The following JRK variants were observed in gnomAD, a reference collection of about 807,000 sequenced individuals.
JRK encodes Jrk helix-turn-helix protein.
For synonymous variants in JRK, 303 were observed against 218.1 expected, an observed-to-expected ratio of 1.39 and a Z score of -3.43; for missense variants, 720 against 509.2, an observed-to-expected ratio of 1.41 and a Z score of -3.98.
Position 142,661,288 on chromosome 8 carries a change from C to T in JRK, c.*3064G>A, listed in dbSNP as rs1472634152. The T allele has an allele frequency of 2.0e-6, 2 of 985,358 alleles. No individual in the cohort carries two copies. Among genetic ancestry groups the T allele is most frequent in the Non-Finnish European group, 2.4e-6 (2 of 829,982 alleles). The allele number at this position is 985,358 out of a possible 1,614,324, so 61.0% of individuals were successfully genotyped here. Reference sequence around the variant, plus strand: ...CCCCAACGTAGAAGGGGCTGAAAGACCACCTACCCATCCTAACCCCTGAAT... The same window carrying T: ...CCCCAACGTAGAAGGGGCTGAAAGATCACCTACCCATCCTAACCCCTGAAT... On this transcript the variant is annotated 3_prime_UTR_variant, in exon 2 of 2. Coordinates refer to ENST00000612905, the MANE Select transcript of JRK (RefSeq NM_003724.4).
Position 142,664,422 on chromosome 8 carries a change from T to C in JRK, c.1637A>G (p.Glu546Gly). 6.2e-7 allele frequency: 1 copy of C among 1,607,770 alleles called. No individual in the cohort carries two copies. Among genetic ancestry groups the C allele is most frequent in the Non-Finnish European group, 8.5e-7 (1 of 1,176,060 alleles). ...TGTGGCCCCACAGCCACCAGGGCCCTCCTGGAGGGCTTCAACCTTGACCAC... is the reference window on the plus strand; with the variant it reads ...TGTGGCCCCACAGCCACCAGGGCCCCCCTGGAGGGCTTCAACCTTGACCAC... ...GAVVKVEALQEGPGGCGATAQ... is the reference protein window; with the variant it reads ...GAVVKVEALQGGPGGCGATAQ... The change falls in exon 2 of 2, where the codon GAG (glutamate) becomes GGG (glycine). Residue 546 changes from glutamate (E) to glycine (G), a missense_variant. Coordinates refer to ENST00000612905, the MANE Select transcript of JRK (RefSeq NM_003724.4).
Position 142,660,818 on chromosome 8 carries a change from G to A in JRK, c.*3534C>T. On this transcript the variant is annotated 3_prime_UTR_variant, in exon 2 of 2. Transcript: ENST00000612905. ...GTGCCACAGCCTCCCAAGAATGGATGCAGTCTACACCTTCTGCAAACCCCT... is the reference window on the plus strand; with the variant it reads ...GTGCCACAGCCTCCCAAGAATGGATACAGTCTACACCTTCTGCAAACCCCT... 1.0e-6 allele frequency: 1 copy of A among 985,518 alleles called. No individual in the cohort carries two copies. The highest frequency in any genetic ancestry group is 1.2e-6 in the Non-Finnish European group (1 of 830,044). The allele number at this position is 985,518 out of a possible 1,614,324, so 61.0% of individuals were successfully genotyped here. A position where few individuals can be genotyped will look rare whatever the true frequency, so the allele number is the denominator to read the frequency against.
At chr8:142,667,367 C>T (rs1195649335) in intron 1 of JRK, among the ~76,000 whole-genome samples, 2 of 152,120 alleles carry the variant, frequency 1.3e-5, no homozygotes, top group Non-Finnish European at 2.9e-5. Flanking sequence ...TCTAGTGCTG[C>T]CCGCCCACCT....
At position 142,664,872 on chromosome 8, in the gene JRK, G is replaced by C. The variant is rs1554635375; in HGVS notation, c.1187C>G (p.Ser396Cys). The change falls in exon 2 of 2, where the codon TCC becomes TGC. Residue 396 changes from serine (S) to cysteine (C), a missense_variant. Ser to Cys is a moderately radical substitution (Grantham distance 112). Coordinates refer to ENST00000612905, the MANE Select transcript of JRK (RefSeq NM_003724.4). ...CTCTGCCTCCAACTCCTCCTCAGAG[G>C]AGGAGCCTTCGGCAAACGCAACCGA... ...WPSVAFAEGS[S>C]SEEELEAECF... The C allele has an allele frequency of 3.4e-6, 5 of 1,459,812 alleles. No homozygotes were observed. Among genetic ancestry groups the C allele is most frequent in the South Asian group, 2.3e-5 (2 of 87,118 alleles). The allele number at this position is 1,459,812 out of a possible 1,614,324, so 90.4% of individuals were successfully genotyped here.
chr8:142,663,430 C>A lies in JRK; in HGVS notation c.*922G>T. 1.0e-6 allele frequency: 1 copy of A among 985,468 alleles called. No individual in the cohort carries two copies. Among genetic ancestry groups the A allele is most frequent in the Non-Finnish European group, 1.2e-6 (1 of 829,934 alleles). 61.0% of individuals were successfully genotyped at this position (985,468 alleles called of 1,614,324 possible). A position where few individuals can be genotyped will look rare whatever the true frequency, so the allele number is the denominator to read the frequency against. Reference sequence around the variant, plus strand: ...CACATACTGCTAGAAATCTAAGCAGCCTGTTTTACTGTTTTCAGTGACTTA... The same window carrying A: ...CACATACTGCTAGAAATCTAAGCAGACTGTTTTACTGTTTTCAGTGACTTA... On this transcript the variant is annotated 3_prime_UTR_variant, in exon 2 of 2. Transcript: ENST00000612905.
chr8:142,658,676 C>A lies in JRK; in HGVS notation c.*5676G>T, dbSNP rs1301057417. 3 of 1,155,588 alleles carry A rather than the reference C, an allele frequency of 2.6e-6. No individual in the cohort carries two copies. The highest frequency in any genetic ancestry group is 2.3e-6 in the Non-Finnish European group (2 of 864,334). The allele number at this position is 1,155,588 out of a possible 1,614,324, so 71.6% of individuals were successfully genotyped here. ...CAAAGGCCCCACCTCCTAATACCAC[C>A]CTCCTGGGGGTCAGGGTTTCAACAT... is the stretch of plus-strand genomic sequence containing the variant. On this transcript the variant is annotated 3_prime_UTR_variant, in exon 2 of 2. Coordinates refer to ENST00000612905, the MANE Select transcript of JRK (RefSeq NM_003724.4).
intron 1 of JRK, among the ~76,000 whole-genome samples, chr8:142,667,059 G>A (rs1458716794): frequency 6.6e-6 from 1 of 152,194 alleles, no homozygotes; most frequent in African/African-American, 2.4e-5. Flanking sequence ...TCTGGAGCAG[G>A]TCTCTAAACT....
In JRK at chr8:142,664,673, CACA is replaced by C; in HGVS notation, c.1383_1385del (p.Val462del). Reference sequence around the variant, plus strand: ...CTTTCGGAGTCTTTTCTGAACTCCACACAACCTCTGCTGGCGACGTGGCAGCAG... The same window carrying C: ...CTTTCGGAGTCTTTTCTGAACTCCACACCTCTGCTGGCGACGTGGCAGCAG... On this transcript the variant is annotated inframe_deletion, in exon 2 of 2. Transcript: ENST00000612905. The C allele has an allele frequency of 1.2e-6, 2 of 1,611,610 alleles. No individual in the cohort carries two copies. Among genetic ancestry groups the C allele is most frequent in the South Asian group, 1.1e-5 (1 of 90,586 alleles).
chr8:142,657,562 A>G lies in JRK; in HGVS notation c.*6790T>C, dbSNP rs1554633839. 1 of 152,920 alleles carries G rather than the reference A, an allele frequency of 6.5e-6. No individual in the cohort carries two copies. The highest frequency in any genetic ancestry group is 2.4e-5 in the African/African-American group (1 of 41,446). The allele number at this position is 152,920 out of a possible 1,614,324, so 9.5% of individuals were successfully genotyped here. On this transcript the variant is annotated 3_prime_UTR_variant, in exon 2 of 2. Coordinates refer to ENST00000612905, the MANE Select transcript of JRK (RefSeq NM_003724.4). ...CTGGTGGGGGCTTCAGGGAGCTTCC[A>G]CTCATGACGGAAGGCAAAGGGCAGC...
rs894659581 is a variant in JRK, at chr8:142,659,685, A to C, written c.*4667T>G. 14 of 985,400 alleles carry C rather than the reference A, an allele frequency of 1.4e-5. No individual in the cohort carries two copies. The highest frequency in any genetic ancestry group is 1.7e-5 in the Non-Finnish European group (14 of 829,998). The allele number at this position is 985,400 out of a possible 1,614,324, so 61.0% of individuals were successfully genotyped here. ...GCCTCAAACAAGAGTGGCCCCTAAAACAGTTGGTAAAGGAGTGTTTTCACC... is the reference window on the plus strand; with the variant it reads ...GCCTCAAACAAGAGTGGCCCCTAAACCAGTTGGTAAAGGAGTGTTTTCACC... On this transcript the variant is annotated 3_prime_UTR_variant, in exon 2 of 2. Transcript: ENST00000612905.
At chr8:142,649,468 T>C in the JRK span, among the ~76,000 whole-genome samples, 1 of 152,154 alleles carries the variant, frequency 6.6e-6, no homozygotes, top group Non-Finnish European at 1.5e-5. Flanking sequence ...CCCCTGCACA[T>C]GTTATCTTTC....
chr8:142,666,177 T>A lies in JRK; in HGVS notation c.-119A>T. The A allele has an allele frequency of 6.6e-7, 1 of 1,524,560 alleles. No individual in the cohort carries two copies. Among genetic ancestry groups the A allele is most frequent in the Non-Finnish European group, 8.9e-7 (1 of 1,127,436 alleles). 94.4% of individuals were successfully genotyped at this position (1,524,560 alleles called of 1,614,324 possible). On this transcript the variant is annotated 5_prime_UTR_variant, in exon 2 of 2. Coordinates refer to ENST00000612905, the MANE Select transcript of JRK (RefSeq NM_003724.4). ...TCCGTCTCTCCCTCTCCACTCTGCCTGCCTGCTCTGCTGATCCTGAGCACA... is the reference window on the plus strand; with the variant it reads ...TCCGTCTCTCCCTCTCCACTCTGCCAGCCTGCTCTGCTGATCCTGAGCACA...
chr8:142,643,801 A>C, the JRK span, among the ~76,000 whole-genome samples: 3 of 152,382 alleles, frequency 2.0e-5, no homozygotes, highest in African/African-American at 7.2e-5. Context: ...CCTCTTATAC[A>C]TAAAAAGAGA....
chr8:142,652,112 T>C, the JRK span, among the ~76,000 whole-genome samples: 3 of 152,070 alleles, frequency 2.0e-5, no homozygotes, highest in Non-Finnish European at 2.9e-5. Flanking sequence ...CCTCAGTAAA[T>C]TGCCCTATTG....
At chr8:142,651,375 C>A in the JRK span, among the ~76,000 whole-genome samples, 1 of 150,368 alleles carries the variant, frequency 6.7e-6, no homozygotes, top group Non-Finnish European at 1.5e-5. Flanking sequence ...ATTTAGGAAC[C>A]AAACCCAGCT....
chr8:142,658,913 G>A lies in JRK; in HGVS notation c.*5439C>T, dbSNP rs1563789733. On this transcript the variant is annotated 3_prime_UTR_variant, in exon 2 of 2. Coordinates refer to ENST00000612905, the MANE Select transcript of JRK (RefSeq NM_003724.4). ...AGGAATTGCCAACTCCTCTGGTGAG[G>A]TCACTACCACATCCTCAAGGCCCAC... 2 of 1,613,602 alleles carry A rather than the reference G, an allele frequency of 1.2e-6. No individual in the cohort carries two copies. Among genetic ancestry groups the A allele is most frequent in the Admixed American group, 1.7e-5 (1 of 59,980 alleles).
At chr8:142,669,278 G>A (rs587768171) in intron 1 of JRK, among the ~76,000 whole-genome samples, 2 of 152,124 alleles carry the variant, frequency 1.3e-5, no homozygotes, top group East Asian at 3.9e-4. Context: ...GCTGGGGGAA[G>A]AGGTGAGCTG....
At chr8:142,655,439 C>G (rs782592825), downstream of JRK, among the ~76,000 whole-genome samples, 4 of 152,342 alleles carry the variant, frequency 2.6e-5, no homozygotes, top group African/African-American at 9.6e-5. Context: ...CCAGGGAAAG[C>G]AGGACACAGC....
In JRK at chr8:142,658,835, G is replaced by T. The variant is rs782731228; in HGVS notation, c.*5517C>A. ...GAGGGGTCTTACCCAGCACTGCCAT[G>T]TGGCAGAAGTTCTCCAACATTATGT... On this transcript the variant is annotated 3_prime_UTR_variant, in exon 2 of 2. Coordinates refer to ENST00000612905, the MANE Select transcript of JRK (RefSeq NM_003724.4). 62 of 1,609,112 alleles carry T rather than the reference G, an allele frequency of 3.9e-5. No individual in the cohort carries two copies. The African/African-American group carries it at 7.3e-4, about 19-fold the overall frequency.
Sources: allele counts gnomAD v4.1 joint callset (sites outside exome capture counted in the v4.1 genomes callset), GRCh38; gene constraint gnomAD v4.1.1; transcripts MANE v1.5; gene names NCBI Gene and HGNC (gene_info 2026-07-23, HGNC 2026-07-21).